Variants in DHRS7 observed in about 807,000 individuals in gnomAD.
The protein encoded by DHRS7 is dehydrogenase/reductase SDR family member 7.
In DHRS7, 34 loss-of-function variants were observed where a neutral mutation model predicts 38.9. That is an observed-to-expected ratio of 0.87 (90% CI 0.66 to 1.16). The LOEUF is 1.16. DHRS7 is among the 50% of genes most tolerant of loss of function. DHRS7 has a pLI of 0.00. For synonymous variants in DHRS7, 158 were observed against 153.1 expected, an observed-to-expected ratio of 1.03 and a Z score of -0.24; for missense variants, 421 against 407.0, an observed-to-expected ratio of 1.03 and a Z score of -0.30.
At position 60,148,363 on chromosome 14, in the gene DHRS7, C is replaced by T. The variant is rs1323381491; in HGVS notation, c.972+990G>A. 1.3e-5 allele frequency: 2 copies of T among 152,168 alleles called. No individual in the cohort carries two copies. The highest frequency in any genetic ancestry group is 1.9e-4 in the East Asian group (1 of 5,196). 9.4% of individuals were successfully genotyped at this position (152,168 alleles called of 1,614,324 possible). ...TCAAAGGCTAACAGTAAAAACCATC[C>T]TCAGCAATAATCTTTTGCTGCATAA... On this transcript the variant is annotated intron_variant, in intron 6 of 6. Transcript: ENST00000557185. The surrounding 1 kb of genome is among the most constrained non-coding windows in gnomAD (Gnocchi z 4.8).
intron 1 of DHRS7, chr14:60,159,025 C>A: frequency 2.3e-6 from 1 of 443,472 alleles, no homozygotes; most frequent in Non-Finnish European, 4.5e-6. Context: ...TCTCCCAGCA[C>A]CTCAAACATT....
chr14:60,154,195 C>A, intron 2 of DHRS7, 130 bp from the exon 3 acceptor site: 1 of 669,900 alleles, frequency 1.5e-6, no homozygotes. Context: ...TGTGAAAGTT[C>A]CTCTCGGTGG....
At chr14:60,152,124 G>C (rs1896559032) in intron 4 of DHRS7, among the ~76,000 whole-genome samples, 2 of 152,220 alleles carry the variant, frequency 1.3e-5, no homozygotes, top group Non-Finnish European at 2.9e-5. Context: ...TGATGACCAT[G>C]TAGCTATTGC....
upstream of DHRS7, chr14:60,168,725 AGAAATTTATG>A (rs1266708197): frequency 2.0e-5 from 32 of 1,563,942 alleles, no homozygotes; most frequent in Non-Finnish European, 2.7e-5. Context: ...CAGAGTGAAC[AGAAATTTATG>A]GTCTCAGATT....
In DHRS7 at chr14:60,146,444, T is replaced by C. The variant is rs1896408535; in HGVS notation, c.973-1431A>G. On this transcript the variant is annotated intron_variant, in intron 6 of 6. Coordinates refer to ENST00000557185, the MANE Select transcript of DHRS7 (RefSeq NM_016029.4). This position sits in a 1 kb window ranked among gnomAD's most constrained non-coding sequence, Gnocchi z 4.9. ...TGCCCTATTATTTAAATTGAGAATG[T>C]GAACCAGTACAGACATTATGGAAAA... 1 of 152,138 alleles carries C rather than the reference T, an allele frequency of 6.6e-6. No individual in the cohort carries two copies. The highest frequency in any genetic ancestry group is 2.4e-5 in the African/African-American group (1 of 41,440). 9.4% of individuals were successfully genotyped at this position (152,138 alleles called of 1,614,324 possible). A position where few individuals can be genotyped will look rare whatever the true frequency, so the allele number is the denominator to read the frequency against.
At chr14:60,158,953 A>C (rs1258361879) in intron 1 of DHRS7, 1 of 278,252 alleles carries the variant, frequency 3.6e-6, no homozygotes, top group Non-Finnish European at 7.0e-6. Context: ...CAAAGAAGAA[A>C]TCAAACTTCT....
In DHRS7 at chr14:60,164,383, T is replaced by A. The variant is rs139194026; in HGVS notation, c.133+794A>T. Among the ~76,000 whole-genome samples, 13 of 152,194 alleles carry A rather than the reference T, an allele frequency of 8.5e-5. No homozygotes were observed. The East Asian group carries it at 2.5e-3, about 29-fold the overall frequency. On this transcript the variant is annotated intron_variant, in intron 1 of 6. Transcript: ENST00000557185. ...AGGGAAACCCCATTTCCCCAAGTCC[T>A]TAAGGATCCAAAGCCTAGCTTTCGG...
At position 60,153,201 on chromosome 14, in the gene DHRS7, G is replaced by T; in HGVS notation, c.394-23C>A. ...GATCTAGTTAAATAAAATCAGAAAA[G>T]GGGTGTTTGGGGGATGTCTTGTGGA... On this transcript the variant is annotated intron_variant, in intron 3 of 6. Transcript: ENST00000557185. The surrounding 1 kb of genome is among the most constrained non-coding windows in gnomAD (Gnocchi z 4.4). 1.2e-6 allele frequency: 2 copies of T among 1,613,068 alleles called. No individual in the cohort carries two copies. Among genetic ancestry groups the T allele is most frequent in the Non-Finnish European group, 1.7e-6 (2 of 1,179,422 alleles).
chr14:60,150,021 A>G (rs1595191794), intron 5 of DHRS7, 44 bp downstream of exon 5: 2 of 1,582,080 alleles, frequency 1.3e-6, no homozygotes, highest in Non-Finnish European at 1.7e-6. Context: ...ATGCCAATAT[A>G]TAACTAGTAA....
Position 60,145,718 on chromosome 14 carries a change from A to G in DHRS7, c.973-705T>C, listed in dbSNP as rs1434969673. On this transcript the variant is annotated intron_variant, in intron 6 of 6. Coordinates refer to ENST00000557185, the MANE Select transcript of DHRS7 (RefSeq NM_016029.4). This position sits in a 1 kb window ranked among gnomAD's most constrained non-coding sequence, Gnocchi z 4.0. Reference sequence around the variant, plus strand: ...AAAAAATTATTTGTGAACTTTTTGTATATTGCTTAAGGAATAAAACAAGGC... The same window carrying G: ...AAAAAATTATTTGTGAACTTTTTGTGTATTGCTTAAGGAATAAAACAAGGC... 2 of 152,130 alleles carry G rather than the reference A, an allele frequency of 1.3e-5. No homozygotes were observed. The highest frequency in any genetic ancestry group is 6.6e-5 in the Admixed American group (1 of 15,254). 9.4% of individuals were successfully genotyped at this position (152,130 alleles called of 1,614,324 possible).
In DHRS7 at chr14:60,155,837, G is replaced by A. The variant is rs559303166; in HGVS notation, c.286+163C>T. The A allele has an allele frequency of 1.0e-4, 61 of 588,454 alleles. 1 individual carries two copies. The highest frequency in any genetic ancestry group is 1.6e-4 in the South Asian group (2 of 12,840). The allele number at this position is 588,454 out of a possible 1,614,324, so 36.5% of individuals were successfully genotyped here. On this transcript the variant is annotated intron_variant, in intron 2 of 6. Transcript: ENST00000557185. Reference sequence around the variant, plus strand: ...AGGTGGCAGAAAAGAAGAAAAAGGCGAGGGCAGCCAATTAAGGCAAAAAGG... The same window carrying A: ...AGGTGGCAGAAAAGAAGAAAAAGGCAAGGGCAGCCAATTAAGGCAAAAAGG...
At chr14:60,157,571 A>C (rs1254036) in intron 1 of DHRS7, among the ~76,000 whole-genome samples, 41,075 of 152,122 alleles carry the variant, frequency 0.27, 7,604 homozygotes, top group African/African-American at 0.52. Flanking sequence ...GCCTCACCAG[A>C]ACTGTATGGA....
intron 2 of DHRS7, among the ~76,000 whole-genome samples, chr14:60,154,505 C>T (rs958751361): frequency 1.3e-5 from 2 of 152,124 alleles, no homozygotes; most frequent in Non-Finnish European, 2.9e-5. Context: ...AGAAGCTTCT[C>T]TCCAGAGGCT....
Position 60,153,046 on chromosome 14 carries a change from G to C in DHRS7, c.526C>G (p.His176Asp). ...TTTCCTTGCTTCCTCTCGATCATGT[G>C]AGGCAGAACACATTTTGTCAAGGAC... ...TVSLTKCVLP[H>D]MIERKQGKIV... Residue 176 changes from histidine (H) to aspartate (D), a missense_variant, in exon 4 of 7, where the codon CAC becomes GAC. His to Asp is a moderately conservative substitution (Grantham distance 81). Coordinates refer to ENST00000557185, the MANE Select transcript of DHRS7 (RefSeq NM_016029.4). The surrounding 1 kb of genome is among the most constrained non-coding windows in gnomAD (Gnocchi z 4.4). The C allele has an allele frequency of 6.2e-7, 1 of 1,614,210 alleles. No individual in the cohort carries two copies. The highest frequency in any genetic ancestry group is 8.5e-7 in the Non-Finnish European group (1 of 1,180,034).
Position 60,165,168 on chromosome 14 carries a change from G to T in DHRS7, c.133+9C>A, listed in dbSNP as rs780699477. 3.7e-6 allele frequency: 6 copies of T among 1,611,420 alleles called. No individual in the cohort carries two copies. The highest frequency in any genetic ancestry group is 3.3e-5 in the South Asian group (3 of 90,874). ...CTCCCACTCGGGAGAGGCTTTGGCC[G>T]GTCCTCACCTGGGCGTCGTCCCTGC... On this transcript the variant is annotated intron_variant, in intron 1 of 6. Coordinates refer to ENST00000557185, the MANE Select transcript of DHRS7 (RefSeq NM_016029.4). This position sits in a 1 kb window ranked among gnomAD's most constrained non-coding sequence, Gnocchi z 4.6.
upstream of DHRS7, chr14:60,168,849 A>G (rs537282119): frequency 1.4e-6 from 2 of 1,390,214 alleles, no homozygotes; most frequent in Non-Finnish European, 1.9e-6. Context: ...AAACCAAAGC[A>G]TAAGGTCAGA....
At chr14:60,151,596 C>T (rs1896546880) in intron 4 of DHRS7, among the ~76,000 whole-genome samples, 1 of 151,858 alleles carries the variant, frequency 6.6e-6, no homozygotes, top group Non-Finnish European at 1.5e-5. Context: ...AACCTTCTGC[C>T]TCTCTGTAGC....
In DHRS7 at chr14:60,145,993, A is replaced by T. The variant is rs1896396353; in HGVS notation, c.973-980T>A. On this transcript the variant is annotated intron_variant, in intron 6 of 6. Coordinates refer to ENST00000557185, the MANE Select transcript of DHRS7 (RefSeq NM_016029.4). The surrounding 1 kb of genome is among the most constrained non-coding windows in gnomAD (Gnocchi z 4.0). ...AGCTATGCTAGCATTTTCTTAACTT[A>T]GACGCTTATCAATAAGAAAATTTAT... The T allele has an allele frequency of 2.0e-5, 3 of 150,338 alleles. No individual in the cohort carries two copies. The highest frequency in any genetic ancestry group is 4.9e-5 in the African/African-American group (2 of 41,158). 9.3% of individuals were successfully genotyped at this position (150,338 alleles called of 1,614,324 possible).
chr14:60,153,386 G>C lies in DHRS7; in HGVS notation c.394-208C>G, dbSNP rs1325889958. On this transcript the variant is annotated intron_variant, in intron 3 of 6. Transcript: ENST00000557185. The surrounding 1 kb of genome is among the most constrained non-coding windows in gnomAD (Gnocchi z 4.4). ...CCGTTTTAGGTGACTTTTTGTGAAA[G>C]TTAATAATTGTCATTAAAATAAATA... 6.6e-6 allele frequency among the ~76,000 whole-genome samples: 1 copy of C among 152,138 alleles called. No individual in the cohort carries two copies. The highest frequency in any genetic ancestry group is 1.5e-5 in the Non-Finnish European group (1 of 68,016).
Sources: allele counts gnomAD v4.1 joint callset (sites outside exome capture counted in the v4.1 genomes callset), GRCh38; gene constraint gnomAD v4.1.1; non-coding constraint Gnocchi (gnomAD v3.1); transcripts MANE v1.5; gene names NCBI Gene and HGNC (gene_info 2026-07-23, HGNC 2026-07-21).